The following KDM1A variants were observed in gnomAD, a reference collection of about 807,000 sequenced individuals.
KDM1A encodes lysine demethylase 1A, also known as lysine-specific histone demethylase 1A.
Under a neutral mutation model 109.4 loss-of-function variants are expected in KDM1A, and 49 were observed. The ratio of observed to expected loss-of-function variants is 0.45; its 90% confidence interval spans 0.36 to 0.57. The LOEUF (loss-of-function observed/expected upper bound fraction) is 0.57, where lower values mean the gene tolerates loss of function less well. Among genes scored for constraint, KDM1A ranks in the 20% least tolerant of loss-of-function variants. KDM1A has a pLI of 0.00. For missense variants in KDM1A, 668 were observed against 1,116.6 expected, an observed-to-expected ratio of 0.60 and a Z score of 5.73; for synonymous variants, 380 against 415.4, an observed-to-expected ratio of 0.91 and a Z score of 1.04.
At chr1:23,050,760 A>T (rs1482288042) in intron 4 of KDM1A, among the ~76,000 whole-genome samples, 1 of 152,176 alleles carries the variant, frequency 6.6e-6, no homozygotes, top group Non-Finnish European at 1.5e-5. Context: ...GATCCCTTTT[A>T]TACTTCACAA....
At chr1:23,029,628 A>G (rs759755815) in intron 1 of KDM1A, among the ~76,000 whole-genome samples, 2 of 151,850 alleles carry the variant, frequency 1.3e-5, no homozygotes, top group Non-Finnish European at 2.9e-5. Context: ...TTATTCCTTA[A>G]TTTATCTTAT....
chr1:23,072,859 C>T (rs757659126), intron 14 of KDM1A, among the ~76,000 whole-genome samples: 2 of 152,092 alleles, frequency 1.3e-5, no homozygotes, highest in Non-Finnish European at 2.9e-5. Flanking sequence ...AGGCTGATCT[C>T]GAACTCCTGA....
intron 15 of KDM1A, among the ~76,000 whole-genome samples, chr1:23,074,574 T>C (rs1357606945): frequency 6.6e-6 from 1 of 152,188 alleles, no homozygotes; most frequent in African/African-American, 2.4e-5. Flanking sequence ...TTCCTATTTA[T>C]AAAATTTTTC....
intron 7 of KDM1A, 32 bp downstream of exon 7, chr1:23,056,070 A>G: frequency 7.1e-7 from 1 of 1,406,750 alleles, no homozygotes; most frequent in East Asian, 2.3e-5. Flanking sequence ...TAGAGGCTTG[A>G]CCTATTGGAA....
Position 23,053,716 on chromosome 1 carries a change from A to T in KDM1A, c.712-45A>T, listed in dbSNP as rs371495643. 8 of 1,267,494 alleles carry T rather than the reference A, an allele frequency of 6.3e-6. No homozygotes were observed. In the South Asian group the frequency reaches 8.5e-5, roughly 13 times the overall value. 78.5% of individuals were successfully genotyped at this position (1,267,494 alleles called of 1,614,324 possible). A position where few individuals can be genotyped will look rare whatever the true frequency, so the allele number is the denominator to read the frequency against. ...ATGATTTTAAAGATAGTCAAATAAC[A>T]TATGTCTATTTGTATGTAATACAAT... On this transcript the variant is annotated intron_variant, in intron 4 of 20. Coordinates refer to ENST00000400181, the MANE Select transcript of KDM1A (RefSeq NM_001009999.3).
chr1:23,019,484 A>G lies in KDM1A; in HGVS notation c.-113A>G. The G allele has an allele frequency of 2.3e-6, 3 of 1,277,226 alleles. No homozygotes were observed. The highest frequency in any genetic ancestry group is 2.8e-5 in the South Asian group (1 of 35,860). 79.1% of individuals were successfully genotyped at this position (1,277,226 alleles called of 1,614,324 possible). On this transcript the variant is annotated 5_prime_UTR_variant, in exon 1 of 21. Coordinates refer to ENST00000400181, the MANE Select transcript of KDM1A (RefSeq NM_001009999.3). Reference sequence around the variant, plus strand: ...AGCGCGCTTGGCGCGTGCGTACGCGACGGCGGTTGGCGGCGCGCGGGCAGC... The same window carrying G: ...AGCGCGCTTGGCGCGTGCGTACGCGGCGGCGGTTGGCGGCGCGCGGGCAGC...
chr1:23,082,221 C>A lies in KDM1A; in HGVS notation c.2300C>A (p.Pro767His). The A allele has an allele frequency of 6.2e-7, 1 of 1,612,682 alleles. No individual in the cohort carries two copies. The highest frequency in any genetic ancestry group is 8.5e-7 in the Non-Finnish European group (1 of 1,179,636). ...TTTTGCTCCTGGTTTTTCTTTTAGC[C>A]CAAAGAAACTGTGGTGTCTCGTTGG... ...GIFGSSAVPQ[P>H]KETVVSRWRA... The change falls in exon 20 of 21, where the codon CCC becomes CAC. Residue 767 changes from proline (P) to histidine (H), a missense_variant and splice_region_variant. Coordinates refer to ENST00000400181, the MANE Select transcript of KDM1A (RefSeq NM_001009999.3).
At chr1:23,060,048 T>G (rs940491703) in intron 9 of KDM1A, among the ~76,000 whole-genome samples, 1 of 152,214 alleles carries the variant, frequency 6.6e-6, no homozygotes, top group African/African-American at 2.4e-5. Flanking sequence ...GGACAGACTC[T>G]CAGGGAATGC....
rs1160453011 is a variant in KDM1A at position 23,079,167 on chromosome 1, A to G, written c.2045A>G (p.Asn682Ser). 6.2e-7 allele frequency: 1 copy of G among 1,613,972 alleles called. No homozygotes were observed. Among genetic ancestry groups the G allele is most frequent in the Non-Finnish European group, 8.5e-7 (1 of 1,179,978 alleles). Residue 682 changes from asparagine to serine, a missense_variant, in exon 17 of 21, where the codon AAC becomes AGC. By Grantham distance (46) the Asn-to-Ser change is conservative (BLOSUM62 1). Coordinates refer to ENST00000400181, the MANE Select transcript of KDM1A (RefSeq NM_001009999.3). This position sits in a 1 kb window ranked among gnomAD's most constrained non-coding sequence, Gnocchi z 5.6. The part of the protein sequence containing the change: ...TSAVQRMGFG[N>S]LNKVVLCFDR... ...GCAGTCCAAAGGATGGGATTTGGCA[A>G]CCTTAACAAGGTAGCTTGCCCTAGA... is the stretch of plus-strand genomic sequence containing the variant.
At position 23,077,561 on chromosome 1, in the gene KDM1A, A is replaced by G. The variant is rs1220256727; in HGVS notation, c.1867+201A>G. ...TTTTATAAACTGGGAAATCGAAGCA[A>G]GTTTTAGAGTTTCCAATTTGTGCAT... On this transcript the variant is annotated intron_variant, in intron 16 of 20. Transcript: ENST00000400181. Among the ~76,000 whole-genome samples, 4 of 152,180 alleles carry G rather than the reference A, an allele frequency of 2.6e-5. No homozygotes were observed. In the East Asian group the frequency reaches 7.7e-4, roughly 29 times the overall value.
At chr1:23,072,675 C>T (rs1004100042) in intron 14 of KDM1A, among the ~76,000 whole-genome samples, 4 of 152,072 alleles carry the variant, frequency 2.6e-5, no homozygotes, top group African/African-American at 4.8e-5. Flanking sequence ...GATGGGATCT[C>T]GCTCTTGTTG....
At chr1:23,046,064 G>T (rs1353444418) in intron 3 of KDM1A, among the ~76,000 whole-genome samples, 1 of 152,100 alleles carries the variant, frequency 6.6e-6, no homozygotes, top group Admixed American at 6.6e-5. Flanking sequence ...AGGTCATCTT[G>T]TCTAACTTCC....
intron 2 of KDM1A, among the ~76,000 whole-genome samples, chr1:23,042,704 G>A (rs1211392773): frequency 4.9e-4 from 74 of 150,194 alleles, no homozygotes; most frequent in East Asian, 9.9e-4. Context: ...CGCCCGCCTC[G>A]GCCTCCCAAA....
At position 23,044,455 on chromosome 1, in the gene KDM1A, T is replaced by G; in HGVS notation, c.546T>G (p.Ser182Arg). The G allele has an allele frequency of 6.2e-7, 1 of 1,613,120 alleles. No homozygotes were observed. Among genetic ancestry groups the G allele is most frequent in the Non-Finnish European group, 8.5e-7 (1 of 1,179,782 alleles). Reference protein sequence around the residue: ...SGQAGGLQDDSSGGYGDGQAS... With the variant: ...SGQAGGLQDDRSGGYGDGQAS... Reference sequence around the variant, plus strand: ...AAGCAGGAGGACTTCAAGACGACAGTTCTGGAGGGTATGGAGACGGCCAAG... The same window carrying G: ...AAGCAGGAGGACTTCAAGACGACAGGTCTGGAGGGTATGGAGACGGCCAAG... Residue 182 changes from serine to arginine, a missense_variant, in exon 3 of 21, where the codon AGT becomes AGG. Physicochemically the swap from Ser to Arg is moderately radical, Grantham distance 110. This residue lies in a region of KDM1A where 149 missense variants were observed against 189.7 expected (regional missense o/e 0.79). Coordinates refer to ENST00000400181, the MANE Select transcript of KDM1A (RefSeq NM_001009999.3).
rs925382988 is a variant in KDM1A, at chr1:23,030,726, A to T, written c.517+92A>T. ...ATTTTGCAATATTATTTATGTCTTT[A>T]TCTTTGGTTTATAATAAAGTCTGAT... On this transcript the variant is annotated intron_variant, in intron 2 of 20. Transcript: ENST00000400181. The T allele has an allele frequency of 6.0e-6, 8 of 1,332,056 alleles. No homozygotes were observed. In the African/African-American group the frequency reaches 1.0e-4, roughly 17 times the overall value. The allele number at this position is 1,332,056 out of a possible 1,614,324, so 82.5% of individuals were successfully genotyped here.
chr1:23,059,032 T>TC (rs1353408306), intron 8 of KDM1A, 41 bp from the exon 9 acceptor site: 2 of 1,318,600 alleles, frequency 1.5e-6, no homozygotes, highest in East Asian at 4.6e-5. Flanking sequence ...TGTTCTCTCT[T>TC]CATAGGTCTA....
intron 1 of KDM1A, among the ~76,000 whole-genome samples, chr1:23,022,365 C>T (rs540206414): frequency 8.0e-5 from 12 of 149,552 alleles, no homozygotes; most frequent in Non-Finnish European, 1.0e-4. Context: ...GATGGGGTTT[C>T]GCTTTTGTTG....
chr1:23,032,353 G>A (rs1285883069), intron 2 of KDM1A, among the ~76,000 whole-genome samples: 1 of 149,344 alleles, frequency 6.7e-6, no homozygotes, highest in East Asian at 2.0e-4. Flanking sequence ...GCTTTTTTCT[G>A]AAAGCTTTTT....
At chr1:23,081,128 C>T (rs564882342) in intron 18 of KDM1A, 160 of 249,416 alleles carry the variant, frequency 6.4e-4, no homozygotes, top group African/African-American at 2.9e-3. Flanking sequence ...CAAAGTAAAG[C>T]GATGCTTAAT....
Sources: allele counts gnomAD v4.1 joint callset (sites outside exome capture counted in the v4.1 genomes callset), GRCh38; gene constraint gnomAD v4.1.1; regional missense constraint gnomAD v4.1.1; non-coding constraint Gnocchi (gnomAD v3.1); transcripts MANE v1.5; gene names NCBI Gene and HGNC (gene_info 2026-07-23, HGNC 2026-07-21).